Variants in NFASC observed in about 807,000 individuals in gnomAD.
NFASC encodes the protein neurofascin homolog.
Under a neutral mutation model 147.5 loss-of-function variants are expected in NFASC, and 43 were observed. The ratio of observed to expected loss-of-function variants is 0.29; its 90% CI spans 0.23 to 0.38. The LOEUF is 0.38. NFASC is among the 10% of genes least tolerant of loss of function. NFASC has a pLI of 1.00. For synonymous variants in NFASC, 622 were observed against 665.5 expected, an observed-to-expected ratio of 0.93 and a Z score of 1.01; for missense variants, 1,320 against 1,689.0, an observed-to-expected ratio of 0.78 and a Z score of 3.83.
In NFASC at chr1:204,979,570, G is replaced by T. The variant is rs376568222; in HGVS notation, c.2176+11G>T. 2 of 1,612,968 alleles carry T rather than the reference G, an allele frequency of 1.2e-6. No homozygotes were observed. The highest frequency in any genetic ancestry group is 2.7e-5 in the African/African-American group (2 of 75,010). ...GAACCAGTGGAGCACGTGAGTACCC[G>T]AGGGCTGCCAGAGAAGGCTCCGGAA... is the stretch of plus-strand genomic sequence containing the variant. On this transcript the variant is annotated intron_variant, in intron 19 of 29. Coordinates refer to ENST00000339876, the MANE Select transcript of NFASC (RefSeq NM_001005388.3). The surrounding 1 kb of genome is among the most constrained non-coding windows in gnomAD (Gnocchi z 6.0).
intron 19 of NFASC, 54 bp from the exon 20 acceptor site, chr1:204,980,316 C>T: frequency 6.9e-7 from 1 of 1,451,296 alleles, no homozygotes; most frequent in Non-Finnish European, 9.7e-7. Context: ...GGTTCCTTAC[C>T]TTGCCCTGGA....
intron 25 of NFASC, chr1:204,999,747 C>T (rs563160513): frequency 6.6e-6 from 1 of 152,196 alleles, no homozygotes; most frequent in Non-Finnish European, 1.5e-5. Context: ...AAGTGAAAAC[C>T]AGGAGATCTT....
At chr1:204,984,987 A>G (rs139028052) in intron 21 of NFASC, among the ~76,000 whole-genome samples, 1 of 152,208 alleles carries the variant, frequency 6.6e-6, no homozygotes, top group Admixed American at 6.5e-5. Context: ...CTTCCCAGGA[A>G]ATGAATTTGG....
At chr1:204,983,276 C>T (rs566344957) in intron 21 of NFASC, among the ~76,000 whole-genome samples, 13 of 152,176 alleles carry the variant, frequency 8.5e-5, no homozygotes, top group South Asian at 4.1e-4. Context: ...TCCAGGTAGT[C>T]GCAGGGTCAG....
intron 2 of NFASC, among the ~76,000 whole-genome samples, chr1:204,926,394 ATATATATATATATTTTTTTTTT>A (rs1281270783): frequency 0.036 from 612 of 16,796 alleles, 13 homozygotes; most frequent in African/African-American, 0.087. Flanking sequence ...ATATATATAT[ATATATATATATATTTTTTTTTT>A]TTTTTTTTTT....
chr1:204,914,116 A>G (rs768258069), intron 1 of NFASC, among the ~76,000 whole-genome samples: 5 of 152,246 alleles, frequency 3.3e-5, no homozygotes, highest in African/African-American at 1.2e-4. Context: ...AGCCCCTCTT[A>G]TAGAGAAGGA....
At chr1:204,980,266 G>A in intron 19 of NFASC, 104 bp from the exon 20 acceptor site, 1 of 837,446 alleles carries the variant, frequency 1.2e-6, no homozygotes, top group Non-Finnish European at 2.0e-6. Flanking sequence ...GCCGAGGAAA[G>A]ACAGAGCATA....
At chr1:204,908,917 A>G (rs2369424) in intron 1 of NFASC, among the ~76,000 whole-genome samples, 34,541 of 152,100 alleles carry the variant, frequency 0.23, 4,290 homozygotes, top group Non-Finnish European at 0.29. Context: ...TAAATAGTCC[A>G]TTCCTTCTTA....
chr1:204,958,001 T>C (rs2094503362), intron 8 of NFASC, among the ~76,000 whole-genome samples, 175 bp downstream of exon 8: 1 of 152,172 alleles, frequency 6.6e-6, no homozygotes, highest in South Asian at 2.1e-4. Context: ...TCTCTCTTGA[T>C]TGTGAAACCT....
intron 28 of NFASC, among the ~76,000 whole-genome samples, chr1:205,011,669 T>C (rs942884901): frequency 6.6e-6 from 1 of 152,246 alleles, no homozygotes; most frequent in Non-Finnish European, 1.5e-5. Flanking sequence ...GCCTGGTTGC[T>C]AGCCTTCCCT....
intron 1 of NFASC, among the ~76,000 whole-genome samples, chr1:204,915,036 T>C (rs1018869559): frequency 5.3e-5 from 8 of 152,170 alleles, no homozygotes; most frequent in African/African-American, 1.2e-4. Flanking sequence ...TCCCAGCACT[T>C]TGGGAGGCCG....
chr1:204,832,078 C>T (rs938567516), intron 1 of NFASC, among the ~76,000 whole-genome samples: 7 of 152,056 alleles, frequency 4.6e-5, no homozygotes, highest in Non-Finnish European at 1.0e-4. Flanking sequence ...GGGTAGGGGA[C>T]AAGATGAGGT....
chr1:204,966,027 G>C (rs2094930244), intron 8 of NFASC, among the ~76,000 whole-genome samples: 1 of 152,206 alleles, frequency 6.6e-6, no homozygotes, highest in Non-Finnish European at 1.5e-5. Flanking sequence ...ATGGTCCCTA[G>C]CAAACGTTCA....
chr1:204,936,194 C>CTTTTTTTTTTTT (rs1288327632), intron 2 of NFASC, among the ~76,000 whole-genome samples: 1 of 63,814 alleles, frequency 1.6e-5, no homozygotes, highest in African/African-American at 5.3e-5. Context: ...CTCTCTCTCT[C>CTTTTTTTTTTTT]TTTCTTTTTC....
intron 1 of NFASC, among the ~76,000 whole-genome samples, chr1:204,902,059 C>T (rs1488896679): frequency 6.6e-6 from 1 of 152,190 alleles, no homozygotes; most frequent in South Asian, 2.1e-4. Context: ...TTTAGAAGGC[C>T]GAGGCGGGAG....
rs1190645355 is a variant in NFASC, at chr1:205,015,321, A to G, written c.3492-987A>G. On this transcript the variant is annotated intron_variant, in intron 29 of 29. Transcript: ENST00000339876. The surrounding 1 kb of genome is among the most constrained non-coding windows in gnomAD (Gnocchi z 4.0). ...TCCCACTGCTCAGACCCAGACTCCC[A>G]CTGCTCATCCTGAGCTGCCTCCTGC... 6.6e-6 allele frequency among the ~76,000 whole-genome samples: 1 copy of G among 151,808 alleles called. No homozygotes were observed. The highest frequency in any genetic ancestry group is 1.5e-5 in the Non-Finnish European group (1 of 67,928).
intron 2 of NFASC, among the ~76,000 whole-genome samples, chr1:204,943,992 A>G (rs146463468): frequency 2.0e-5 from 3 of 152,202 alleles, no homozygotes; most frequent in Non-Finnish European, 4.4e-5. Flanking sequence ...ACTGGCTTCT[A>G]TCGGGTAGAG....
In NFASC at chr1:204,979,516, C is replaced by T. The variant is rs771692472; in HGVS notation, c.2133C>T (p.Ser711=). The change falls in exon 19 of 30, where the codon AGC becomes AGT. Residue 711 remains serine, a synonymous_variant. Coordinates refer to ENST00000339876, the MANE Select transcript of NFASC (RefSeq NM_001005388.3). The surrounding 1 kb of genome is among the most constrained non-coding windows in gnomAD (Gnocchi z 6.0). ...TTGCCATCAACGAGGTTGGGAGCAG[C>T]CACCCCAGCCTCCCATCCGAGCGCT... is the stretch of plus-strand genomic sequence containing the variant. ...RVIAINEVGS[S]HPSLPSERYR... 2 of 1,613,766 alleles carry T rather than the reference C, an allele frequency of 1.2e-6. No individual in the cohort carries two copies. The highest frequency in any genetic ancestry group is 1.7e-6 in the Non-Finnish European group (2 of 1,180,022).
chr1:204,895,248 C>T (rs577901179), intron 1 of NFASC, among the ~76,000 whole-genome samples: 1 of 152,134 alleles, frequency 6.6e-6, no homozygotes, highest in South Asian at 2.1e-4. Context: ...CCCTGCCTGT[C>T]CCTCCTGACT....
Sources: allele counts gnomAD v4.1 joint callset (sites outside exome capture counted in the v4.1 genomes callset), GRCh38; gene constraint gnomAD v4.1.1; non-coding constraint Gnocchi (gnomAD v3.1); transcripts MANE v1.5; gene names NCBI Gene and HGNC (gene_info 2026-07-23, HGNC 2026-07-21).